SPTLC3: variants seen among roughly 807,000 people sequenced by gnomAD.
SPTLC3 encodes serine palmitoyltransferase long chain base subunit 3.
Under a neutral mutation model 59.3 loss-of-function variants are expected in SPTLC3, and 36 were observed. The ratio of observed to expected loss-of-function variants is 0.61; its 90% CI spans 0.47 to 0.80. The LOEUF is 0.80. SPTLC3 is among the 30% of genes least tolerant of loss of function. The pLI is 0.00. For missense variants in SPTLC3, 625 were observed against 685.1 expected (o/e 0.91, Z 0.98); for synonymous variants, 257 against 240.8 (o/e 1.07, Z -0.62).
At chr20:13,132,242 T>C (rs1052153738) in intron 9 of SPTLC3, among the ~76,000 whole-genome samples, 6 of 144,368 alleles carry the variant, frequency 4.2e-5, no homozygotes, top group African/African-American at 1.5e-4. Context: ...AGTGGTGCCA[T>C]CTCGGCTCAC....
intron 6 of SPTLC3, among the ~76,000 whole-genome samples, chr20:13,108,022 C>G (rs1990002061): frequency 6.6e-6 from 1 of 151,962 alleles, no homozygotes; most frequent in Admixed American, 6.6e-5. Flanking sequence ...AGAGATCTTG[C>G]TAGTATGCAG....
At chr20:13,014,463 C>T (rs1269915284) in intron 1 of SPTLC3, among the ~76,000 whole-genome samples, 1 of 152,116 alleles carries the variant, frequency 6.6e-6, no homozygotes, top group Non-Finnish European at 1.5e-5. Context: ...AATATCAGAG[C>T]ATTATGCCTT....
Position 13,164,740 on chromosome 20 carries a change from C to A in SPTLC3, c.1546-14C>A. ...GTGTTCAATGATAGCTATTGGAAAG[C>A]AATCTCATTGCAGGTTTTAGAAGCT... On this transcript the variant is annotated splice_polypyrimidine_tract_variant and intron_variant, in intron 11 of 11. Coordinates refer to ENST00000399002, the MANE Select transcript of SPTLC3 (RefSeq NM_018327.4). The A allele has an allele frequency of 1.2e-6, 2 of 1,603,476 alleles. No homozygotes were observed. The highest frequency in any genetic ancestry group is 1.7e-6 in the Non-Finnish European group (2 of 1,172,126).
At chr20:13,072,158 A>G in intron 2 of SPTLC3, 98 bp from the exon 3 acceptor site, 14 of 1,348,968 alleles carry the variant, frequency 1.0e-5, no homozygotes, top group Non-Finnish European at 1.3e-5. Flanking sequence ...TAGATGTGTT[A>G]TTTCCACAGC....
chr20:13,132,145 C>T (rs1388408589), intron 9 of SPTLC3, among the ~76,000 whole-genome samples: 1 of 151,614 alleles, frequency 6.6e-6, no homozygotes, highest in Non-Finnish European at 1.5e-5. Context: ...TCCTCCTGTC[C>T]CTCTAATTCT....
chr20:13,128,166 G>A (rs974913653), intron 9 of SPTLC3, among the ~76,000 whole-genome samples: 5 of 152,340 alleles, frequency 3.3e-5, no homozygotes, highest in East Asian at 3.9e-4. Context: ...AGTAAGCATT[G>A]TATAATTGCT....
At chr20:13,108,513 C>A (rs911002460) in intron 6 of SPTLC3, among the ~76,000 whole-genome samples, 3 of 152,188 alleles carry the variant, frequency 2.0e-5, no homozygotes, top group African/African-American at 7.2e-5. Flanking sequence ...AATGCACATA[C>A]GCTTCTTGAG....
chr20:13,041,208 T>C (rs1184928134), intron 1 of SPTLC3, among the ~76,000 whole-genome samples: 2 of 152,194 alleles, frequency 1.3e-5, no homozygotes, highest in Non-Finnish European at 2.9e-5. Flanking sequence ...AACACTCATA[T>C]TGTGTATATG....
At chr20:13,087,396 A>G (rs1311205889) in intron 4 of SPTLC3, among the ~76,000 whole-genome samples, 2 of 152,158 alleles carry the variant, frequency 1.3e-5, no homozygotes, top group African/African-American at 4.8e-5. Flanking sequence ...AAGGGGAAAT[A>G]TATCAAGTTG....
chr20:13,124,791 A>G (rs1005574361), intron 8 of SPTLC3, among the ~76,000 whole-genome samples: 5 of 152,312 alleles, frequency 3.3e-5, no homozygotes, highest in Admixed American at 3.3e-4. Flanking sequence ...AGAGAGATGG[A>G]AAAGTGATGG....
chr20:13,077,511 A>G (rs1369583937), intron 4 of SPTLC3, among the ~76,000 whole-genome samples: 1 of 152,050 alleles, frequency 6.6e-6, no homozygotes, highest in Non-Finnish European at 1.5e-5. Context: ...AATTCTAAAA[A>G]GTAGAACCTA....
chr20:13,090,964 T>C, intron 4 of SPTLC3, 119 bp from the exon 5 acceptor site: 1 of 1,381,220 alleles, frequency 7.2e-7, no homozygotes, highest in East Asian at 2.4e-5. Flanking sequence ...TGGCAAATCT[T>C]CCTGCTACAA....
intron 6 of SPTLC3, among the ~76,000 whole-genome samples, chr20:13,104,298 A>G (rs720147): frequency 0.75 from 113,933 of 152,106 alleles, 43,821 homozygotes; most frequent in African/African-American, 0.94. Flanking sequence ...ATGTGTTGTG[A>G]GAGGGACCCA....
chr20:13,029,215 G>A (rs751324514), intron 1 of SPTLC3, among the ~76,000 whole-genome samples: 1 of 152,124 alleles, frequency 6.6e-6, no homozygotes, highest in African/African-American at 2.4e-5. Flanking sequence ...CAAGACAACT[G>A]AATCACGTCC....
At chr20:13,126,329 T>A (rs1205862389) in intron 8 of SPTLC3, among the ~76,000 whole-genome samples, 1 of 152,218 alleles carries the variant, frequency 6.6e-6, no homozygotes, top group Non-Finnish European at 1.5e-5. Flanking sequence ...TCTTCACACA[T>A]CTGGTTTTGC....
At chr20:13,032,797 G>A (rs1427658878) in intron 1 of SPTLC3, among the ~76,000 whole-genome samples, 7 of 152,170 alleles carry the variant, frequency 4.6e-5, no homozygotes, top group Non-Finnish European at 8.8e-5. Context: ...GCCCTCCTCA[G>A]ATCCTCACTG....
At chr20:13,009,426 C>T (rs759207778) in intron 1 of SPTLC3, 42 bp downstream of exon 1, 36 of 1,512,116 alleles carry the variant, frequency 2.4e-5, no homozygotes, top group Non-Finnish European at 2.9e-5. Flanking sequence ...ATTACCTGAA[C>T]GTTTCAATAT....
chr20:13,097,906 G>A (rs989875972), intron 6 of SPTLC3, among the ~76,000 whole-genome samples: 7 of 152,230 alleles, frequency 4.6e-5, no homozygotes, highest in Non-Finnish European at 8.8e-5. Context: ...AATGCATAAA[G>A]GAAATTACTA....
At chr20:13,145,420 G>A (rs2038486898) in intron 9 of SPTLC3, among the ~76,000 whole-genome samples, 1 of 152,084 alleles carries the variant, frequency 6.6e-6, no homozygotes, top group Non-Finnish European at 1.5e-5. Context: ...CCTTGGAATA[G>A]AGCTAACCAG....
Sources: gnomAD v4.1 joint callset for allele counts (sites outside exome capture counted in the v4.1 genomes callset) on GRCh38, gnomAD v4.1.1 for gene constraint, MANE v1.5 for transcripts, NCBI Gene and HGNC (gene_info 2026-07-23, HGNC 2026-07-21) for gene names.